Variants in CACNA1B observed in about 807,000 individuals in gnomAD.
CACNA1B encodes the protein calcium voltage-gated channel subunit alpha1 B.
CACNA1B carries 70 observed loss-of-function variants against 247.2 expected under a neutral mutation model. The observed-to-expected ratio is 0.28, with a 90% CI of 0.23 to 0.35. The LOEUF is 0.35. Among genes scored for constraint, CACNA1B ranks in the 10% least tolerant of loss-of-function variants. The pLI is 1.00. For missense variants in CACNA1B, 2,367 were observed against 3,197.4 expected, an observed-to-expected ratio of 0.74 and a Z score of 6.26; for synonymous variants, 1,231 against 1,294.4, an observed-to-expected ratio of 0.95 and a Z score of 1.05.
intron 31 of CACNA1B, among the ~76,000 whole-genome samples, chr9:138,064,561 G>A (rs1278528363): frequency 2.0e-5 from 3 of 152,212 alleles, no homozygotes; most frequent in African/African-American, 7.2e-5. Flanking sequence ...CCTCTGTCCT[G>A]CCTCTAGGAA....
intron 36 of CACNA1B, among the ~76,000 whole-genome samples, chr9:138,094,268 G>A (rs1056496450): frequency 2.6e-5 from 4 of 152,046 alleles, no homozygotes; most frequent in Admixed American, 6.6e-5. Flanking sequence ...GGGGAGGATG[G>A]ATGAGGAATT....
At chr9:137,925,274 A>C (rs775610782) in intron 6 of CACNA1B, among the ~76,000 whole-genome samples, 53 of 152,338 alleles carry the variant, frequency 3.5e-4, no homozygotes, top group Admixed American at 9.1e-4. Flanking sequence ...AGAGAGGTAT[A>C]GGGGGAGGCA....
rs1269697110 is a variant in CACNA1B at position 138,121,801 on chromosome 9, T to C, written c.6822T>C (p.Pro2274=). The C allele has an allele frequency of 3.1e-6, 5 of 1,613,200 alleles. No homozygotes were observed. Among genetic ancestry groups the C allele is most frequent in the Non-Finnish European group, 4.2e-6 (5 of 1,179,746 alleles). Residue 2274 remains proline (P), a synonymous_variant, in exon 47 of 47, where the codon CCT becomes CCC. Transcript: ENST00000371372. This position sits in a 1 kb window ranked among gnomAD's most constrained non-coding sequence, Gnocchi z 6.8. ...LDSEASVHAL[P]EDTLTFEEAV... is the part of the protein sequence containing the mutation. ...GTGAGGCCTCTGTCCACGCCCTGCC[T>C]GAGGACACTCTCACTTTCGAGGAGG...
intron 36 of CACNA1B, among the ~76,000 whole-genome samples, chr9:138,094,777 C>T (rs776339990): frequency 4.6e-5 from 7 of 152,148 alleles, no homozygotes; most frequent in Non-Finnish European, 8.8e-5. Flanking sequence ...CAGCAATAAA[C>T]TCAAATATCT....
chr9:138,035,037 G>A (rs1200418483), intron 20 of CACNA1B, among the ~76,000 whole-genome samples: 5 of 152,236 alleles, frequency 3.3e-5, no homozygotes, highest in Non-Finnish European at 7.3e-5. Context: ...ATGGTACTTA[G>A]AACAGCTAGC....
In CACNA1B at chr9:138,102,771, G is replaced by A. The variant is rs765524716; in HGVS notation, c.5283G>A (p.Gly1761=). Reference sequence around the variant, plus strand: ...TGAAACACATGTCCCCGCCTCTGGGGCTGGGGAAGAAATGCCCTGCTCGAG... The same window carrying A: ...TGAAACACATGTCCCCGCCTCTGGGACTGGGGAAGAAATGCCCTGCTCGAG... ...EMLKHMSPPL[G]LGKKCPARVA... Residue 1761 remains glycine, a synonymous_variant, in exon 38 of 47, where the codon GGG becomes GGA. Coordinates refer to ENST00000371372, the MANE Select transcript of CACNA1B (RefSeq NM_000718.4). This position sits in a 1 kb window ranked among gnomAD's most constrained non-coding sequence, Gnocchi z 5.4. 3.7e-6 allele frequency: 6 copies of A among 1,612,978 alleles called. No homozygotes were observed. Among genetic ancestry groups the A allele is most frequent in the East Asian group, 2.2e-5 (1 of 44,800 alleles).
At chr9:138,074,243 T>C (rs965258988) in intron 34 of CACNA1B, among the ~76,000 whole-genome samples, 177 bp downstream of exon 34, 2 of 150,416 alleles carry the variant, frequency 1.3e-5, no homozygotes, top group Non-Finnish European at 2.9e-5. Context: ...CTTTTCTTAC[T>C]CTTTTTTTTT....
chr9:137,971,218 T>C lies in CACNA1B; in HGVS notation c.1334-165T>C, dbSNP rs1219044656. On this transcript the variant is annotated intron_variant, in intron 10 of 46. Transcript: ENST00000371372. The surrounding 1 kb of genome is among the most constrained non-coding windows in gnomAD (Gnocchi z 4.4). ...CCATGGAGATCATCAGGGCCTTGGT[T>C]CCCTCAGCTGTGAAGTGGAGGTCAC... 6.6e-6 allele frequency among the ~76,000 whole-genome samples: 1 copy of C among 152,092 alleles called. No individual in the cohort carries two copies. Among genetic ancestry groups the C allele is most frequent in the African/African-American group, 2.4e-5 (1 of 41,410 alleles).
chr9:137,978,761 C>T (rs78223752), intron 12 of CACNA1B, among the ~76,000 whole-genome samples: 377 of 152,308 alleles, frequency 2.5e-3, no homozygotes, highest in African/African-American at 8.5e-3. Context: ...ATGATAACGG[C>T]AGACATTGTG....
intron 21 of CACNA1B, among the ~76,000 whole-genome samples, chr9:138,044,921 A>G (rs903824151): frequency 3.3e-5 from 5 of 152,196 alleles, no homozygotes; most frequent in African/African-American, 1.2e-4. Flanking sequence ...ATGGAGACAG[A>G]CGTGGACCCT....
intron 36 of CACNA1B, among the ~76,000 whole-genome samples, chr9:138,092,845 G>T (rs551958340): frequency 6.6e-6 from 1 of 152,262 alleles, no homozygotes; most frequent in East Asian, 1.9e-4. Flanking sequence ...GGCTTCAGCC[G>T]GTCCCTCCGT....
At chr9:138,060,226 C>T (rs1959673190) in intron 31 of CACNA1B, among the ~76,000 whole-genome samples, 1 of 152,150 alleles carries the variant, frequency 6.6e-6, no homozygotes, top group Non-Finnish European at 1.5e-5. Flanking sequence ...CTTGTCTCAA[C>T]AAATTTCAAA....
chr9:138,045,813 A>AG (rs1491327438), intron 21 of CACNA1B, among the ~76,000 whole-genome samples: 1 of 152,094 alleles, frequency 6.6e-6, no homozygotes, highest in African/African-American at 2.4e-5. Context: ...CTGTGGACAC[A>AG]GGGGCAGGAG....
At chr9:137,998,868 A>G (rs1958530878) in intron 15 of CACNA1B, among the ~76,000 whole-genome samples, 1 of 152,268 alleles carries the variant, frequency 6.6e-6, no homozygotes, top group African/African-American at 2.4e-5. Context: ...ACAAAAGATT[A>G]GAAAGGATCT....
chr9:138,059,538 T>A lies in CACNA1B; in HGVS notation c.4585-116T>A. 1 of 718,578 alleles carries A rather than the reference T, an allele frequency of 1.4e-6. No homozygotes were observed. Among genetic ancestry groups the A allele is most frequent in the Non-Finnish European group, 2.5e-6 (1 of 399,088 alleles). The allele number at this position is 718,578 out of a possible 1,614,324, so 44.5% of individuals were successfully genotyped here. A position where few individuals can be genotyped will look rare whatever the true frequency, so the allele number is the denominator to read the frequency against. On this transcript the variant is annotated intron_variant, in intron 30 of 46. Transcript: ENST00000371372. This position sits in a 1 kb window ranked among gnomAD's most constrained non-coding sequence, Gnocchi z 4.2. ...CCCCTGGGGTGGCCTGTCTGCCCTG[T>A]GCTCAGGGTCTATCACCCTCACCGC... is the stretch of plus-strand genomic sequence containing the variant.
At chr9:137,878,341 G>A (rs11137290) in intron 1 of CACNA1B, 124 bp downstream of exon 1, 1 of 852,484 alleles carries the variant, frequency 1.2e-6, no homozygotes, top group Non-Finnish European at 1.5e-6. Context: ...GGGCGAGGGG[G>A]GTACGGAGCG....
chr9:138,064,577 T>C (rs751376049), intron 31 of CACNA1B, among the ~76,000 whole-genome samples: 109 of 152,364 alleles, frequency 7.2e-4, no homozygotes, highest in Non-Finnish European at 1.3e-3. Flanking sequence ...AGGAATGCCA[T>C]GGCCGATTAG....
chr9:137,894,501 T>TG, intron 3 of CACNA1B, among the ~76,000 whole-genome samples: 1 of 151,920 alleles, frequency 6.6e-6, no homozygotes, highest in East Asian at 1.9e-4. Context: ...TGCAAGCCCC[T>TG]GGGTTCACGC....
chr9:137,898,628 C>T (rs1957197985), intron 3 of CACNA1B, among the ~76,000 whole-genome samples: 1 of 152,036 alleles, frequency 6.6e-6, no homozygotes, highest in South Asian at 2.1e-4. Context: ...ACCTCAGCCT[C>T]CCGAGTAGCT....
Sources: allele counts gnomAD v4.1 joint callset (sites outside exome capture counted in the v4.1 genomes callset), GRCh38; gene constraint gnomAD v4.1.1; non-coding constraint Gnocchi (gnomAD v3.1); transcripts MANE v1.5; gene names NCBI Gene and HGNC (gene_info 2026-07-23, HGNC 2026-07-21).